The following LDB2 variants were observed in gnomAD, a reference collection of about 807,000 sequenced individuals.
LDB2 encodes the protein LIM domain binding 2, also known as LIM domain-binding protein 2.
A neutral mutation model predicts 44.3 loss-of-function variants in LDB2; 12 were observed. That is an observed-to-expected ratio of 0.27 (90% CI 0.17 to 0.44). LDB2 has a LOEUF of 0.44. Among genes scored for constraint, LDB2 ranks in the 20% least tolerant of loss-of-function variants. The pLI is 1.00. For synonymous variants in LDB2, 164 were observed against 174.8 expected, an observed-to-expected ratio of 0.94 and a Z score of 0.49; for missense variants, 344 against 473.5, an observed-to-expected ratio of 0.73 and a Z score of 2.54.
rs539924371 is a variant in LDB2 at position 16,562,572 on chromosome 4, A to G, written c.615+23350T>C. The stretch of plus-strand genomic sequence containing the variant: ...ATTAAAAAGTCAGGAAACAACAGGT[A>G]CTGGAGAGGATGTGGACAAATAGGA... On this transcript the variant is annotated intron_variant, in intron 5 of 7. Transcript: ENST00000304523. Among the ~76,000 whole-genome samples, 6 of 152,310 alleles carry G rather than the reference A, an allele frequency of 3.9e-5. No homozygotes were observed. The East Asian group carries it at 9.6e-4, about 24-fold the overall frequency.
rs546814155 is a variant in LDB2 at position 16,561,910 on chromosome 4, C to T, written c.615+24012G>A. Among the ~76,000 whole-genome samples, 543 of 152,114 alleles carry T rather than the reference C, an allele frequency of 3.6e-3. 5 individuals carry two copies. The highest frequency in any genetic ancestry group is 4.9e-3 in the Non-Finnish European group (331 of 67,996). On this transcript the variant is annotated intron_variant, in intron 5 of 7. Coordinates refer to ENST00000304523, the MANE Select transcript of LDB2 (RefSeq NM_001290.5). ...AACAGAACAGAGCCCTCAGAAATAACGCCACATATCTACAACTATCTGACC... is the reference window on the plus strand; with the variant it reads ...AACAGAACAGAGCCCTCAGAAATAATGCCACATATCTACAACTATCTGACC...
At chr4:16,644,509 C>T (rs150289785) in intron 2 of LDB2, among the ~76,000 whole-genome samples, 1,830 of 150,742 alleles carry the variant, frequency 0.012, 19 homozygotes, top group Non-Finnish European at 0.019. Context: ...CTCACTGCAA[C>T]CTCTGCCTCC....
At chr4:16,666,998 A>G (rs187835723) in intron 2 of LDB2, among the ~76,000 whole-genome samples, 6 of 152,284 alleles carry the variant, frequency 3.9e-5, no homozygotes, top group Non-Finnish European at 8.8e-5. Context: ...TAACCTCCTG[A>G]ACACTGTGTC....
chr4:16,756,218 G>A (rs1309225638), intron 2 of LDB2, among the ~76,000 whole-genome samples: 3 of 152,182 alleles, frequency 2.0e-5, no homozygotes, highest in African/African-American at 7.2e-5. Context: ...GCCGAGGCTG[G>A]GCTGGTGGAT....
At chr4:16,716,685 T>C (rs1294315517) in intron 2 of LDB2, among the ~76,000 whole-genome samples, 1 of 152,160 alleles carries the variant, frequency 6.6e-6, no homozygotes, top group Non-Finnish European at 1.5e-5. Flanking sequence ...CAAAGCCCCT[T>C]GGCCTCTTCT....
intron 1 of LDB2, among the ~76,000 whole-genome samples, chr4:16,821,158 T>G (rs1781889028): frequency 6.6e-6 from 1 of 152,210 alleles, no homozygotes; most frequent in Non-Finnish European, 1.5e-5. Flanking sequence ...TCTTCCGTGT[T>G]AAATTGTCTC....
chr4:16,662,715 C>A (rs1329399356), intron 2 of LDB2, among the ~76,000 whole-genome samples: 4 of 151,916 alleles, frequency 2.6e-5, no homozygotes, highest in Non-Finnish European at 5.9e-5. Flanking sequence ...AAGGGCAGTT[C>A]CCCTGAACAT....
At chr4:16,598,750 C>CA (rs1721746222) in intron 2 of LDB2, among the ~76,000 whole-genome samples, 1 of 152,148 alleles carries the variant, frequency 6.6e-6, no homozygotes, top group African/African-American at 2.4e-5. Flanking sequence ...AGAAGAAAAG[C>CA]AAAGCAAATT....
In LDB2 at chr4:16,707,521, C is replaced by T. The variant is rs75016603; in HGVS notation, c.235+51637G>A. ...TCAATAGCAAACTAAAATCATTTCA[C>T]GTGATAATTTCGAGGGTTAATTGTT... On this transcript the variant is annotated intron_variant, in intron 2 of 7. Coordinates refer to ENST00000304523, the MANE Select transcript of LDB2 (RefSeq NM_001290.5). Among the ~76,000 whole-genome samples, 1,119 of 152,264 alleles carry T rather than the reference C, an allele frequency of 7.3e-3. 12 individuals are homozygous for T. The highest frequency in any genetic ancestry group is 0.026 in the African/African-American group (1,086 of 41,554).
At chr4:16,725,881 T>G (rs1335584978) in intron 2 of LDB2, among the ~76,000 whole-genome samples, 1 of 105,692 alleles carries the variant, frequency 9.5e-6, no homozygotes, top group Non-Finnish European at 1.9e-5. Flanking sequence ...ATATATATAT[T>G]TATGTGTATA....
At chr4:16,837,375 T>C (rs77091823) in intron 1 of LDB2, among the ~76,000 whole-genome samples, 1,708 of 152,278 alleles carry the variant, frequency 0.011, 19 homozygotes, top group Non-Finnish European at 0.017. Flanking sequence ...AATAACTTAT[T>C]ATTTAGGTCA....
intron 5 of LDB2, among the ~76,000 whole-genome samples, chr4:16,584,217 A>G (rs1019958561): frequency 2.6e-5 from 4 of 152,158 alleles, no homozygotes; most frequent in Admixed American, 6.5e-5. Flanking sequence ...AGCCCTTTAC[A>G]TGGATTTTCT....
intron 2 of LDB2, among the ~76,000 whole-genome samples, chr4:16,609,512 T>A (rs1300073363): frequency 6.6e-6 from 1 of 152,178 alleles, no homozygotes; most frequent in Non-Finnish European, 1.5e-5. Flanking sequence ...GCTTTTCCCC[T>A]GCTGGAGCCA....
At chr4:16,606,030 T>C (rs1723840379) in intron 2 of LDB2, among the ~76,000 whole-genome samples, 1 of 152,244 alleles carries the variant, frequency 6.6e-6, no homozygotes, top group Non-Finnish European at 1.5e-5. Context: ...CTGACCACCC[T>C]ATACCCACCA....
intron 1 of LDB2, among the ~76,000 whole-genome samples, chr4:16,852,126 C>A (rs987279358): frequency 2.0e-5 from 3 of 152,098 alleles, no homozygotes; most frequent in African/African-American, 7.2e-5. Flanking sequence ...ACAATAATAA[C>A]CACATCTTTT....
At chr4:16,567,222 T>C (rs987640356) in intron 5 of LDB2, among the ~76,000 whole-genome samples, 1 of 152,096 alleles carries the variant, frequency 6.6e-6, no homozygotes, top group African/African-American at 2.4e-5. Context: ...AGTAGAAAAA[T>C]ATTAGAAACA....
At chr4:16,658,758 C>T (rs1740641280) in intron 2 of LDB2, among the ~76,000 whole-genome samples, 1 of 152,178 alleles carries the variant, frequency 6.6e-6, no homozygotes, top group Non-Finnish European at 1.5e-5. Flanking sequence ...ATGTAGCCCA[C>T]ACTGTCTAGG....
chr4:16,686,315 T>C (rs1749230004), intron 2 of LDB2, among the ~76,000 whole-genome samples: 1 of 152,228 alleles, frequency 6.6e-6, no homozygotes, highest in South Asian at 2.1e-4. Flanking sequence ...TTTATTATTT[T>C]TACTGTGCTA....
At chr4:16,607,446 T>A (rs1724248025) in intron 2 of LDB2, among the ~76,000 whole-genome samples, 1 of 151,622 alleles carries the variant, frequency 6.6e-6, no homozygotes, top group African/African-American at 2.4e-5. Context: ...CCTTGAAAGT[T>A]TCTGATTCAC....
Sources: allele counts gnomAD v4.1 joint callset (sites outside exome capture counted in the v4.1 genomes callset), GRCh38; gene constraint gnomAD v4.1.1; transcripts MANE v1.5; gene names NCBI Gene and HGNC (gene_info 2026-07-23, HGNC 2026-07-21).